The following ECI2 variants were observed in gnomAD, a reference collection of about 807,000 sequenced individuals.
ECI2 encodes the protein D3,D2-enoyl-CoA isomerase.
In ECI2, 27 loss-of-function variants were observed where a neutral mutation model predicts 38.4. The observed-to-expected ratio is 0.70, with a 90% CI of 0.52 to 0.97. The LOEUF (loss-of-function observed/expected upper bound fraction) is 0.97, where lower values mean the gene tolerates loss of function less well. Ranked by LOEUF, ECI2 falls within the 50% of genes least tolerant of loss-of-function variation. The pLI, the probability that ECI2 is intolerant of heterozygous loss-of-function variation, is 0.00. For missense variants in ECI2, 470 were observed against 474.4 expected (o/e 0.99, Z 0.09); for synonymous variants, 168 against 172.0 (o/e 0.98, Z 0.18).
intron 1 of ECI2, among the ~76,000 whole-genome samples, chr6:4,134,659 A>G (rs1773644455): frequency 6.6e-6 from 1 of 152,242 alleles, no homozygotes; most frequent in African/African-American, 2.4e-5. Context: ...TTGGACTATT[A>G]GTAACTGATT....
At chr6:4,132,744 C>T (rs1773556697) in intron 2 of ECI2, among the ~76,000 whole-genome samples, 1 of 151,936 alleles carries the variant, frequency 6.6e-6, no homozygotes, top group South Asian at 2.1e-4. Flanking sequence ...AACTGCCTTA[C>T]TTGCTTCATC....
chr6:4,131,013 T>C (rs1773481484), intron 2 of ECI2, 148 bp from the exon 3 acceptor site: 2 of 667,830 alleles, frequency 3.0e-6, no homozygotes, highest in Non-Finnish European at 2.4e-6. Context: ...TCCCCTCCAG[T>C]CTCTTTGATG....
intron 7 of ECI2, among the ~76,000 whole-genome samples, chr6:4,121,430 T>C (rs1772744451): frequency 6.6e-6 from 1 of 152,232 alleles, no homozygotes; most frequent in Non-Finnish European, 1.5e-5. Context: ...GTTTCTCTCA[T>C]ATGGTTTTAA....
intron 2 of ECI2, 112 bp from the exon 3 acceptor site, chr6:4,130,977 C>A: frequency 3.1e-6 from 3 of 970,842 alleles, no homozygotes; most frequent in Non-Finnish European, 4.6e-6. Flanking sequence ...AATCCTTTCA[C>A]AGGGTATGTA....
rs540452962 is a variant in ECI2 at position 4,121,905 on chromosome 6, A to G, written c.796-2630T>C. The G allele has an allele frequency of 1.8e-4, 204 of 1,128,854 alleles. 1 individual carries two copies. In the African/African-American group the frequency reaches 2.8e-3, roughly 15 times the overall value. 69.9% of individuals were successfully genotyped at this position (1,128,854 alleles called of 1,614,324 possible). Reference sequence around the variant, plus strand: ...CATAAAAATAATCACAATATTTTTAAAAGTTTCTGTTAATGTCATGTATCT... The same window carrying G: ...CATAAAAATAATCACAATATTTTTAGAAGTTTCTGTTAATGTCATGTATCT... On this transcript the variant is annotated intron_variant, in intron 7 of 9. Coordinates refer to ENST00000380118, the MANE Select transcript of ECI2 (RefSeq NM_206836.3).
intron 7 of ECI2, among the ~76,000 whole-genome samples, chr6:4,119,861 C>A (rs142425333): frequency 6.6e-6 from 1 of 151,596 alleles, no homozygotes; most frequent in Non-Finnish European, 1.5e-5. Flanking sequence ...TCCCTCCCAC[C>A]CCCAAGCAAC....
intron 7 of ECI2, 44 bp from the exon 8 acceptor site, chr6:4,119,319 A>AT (rs34320283): frequency 0.025 from 29,324 of 1,168,192 alleles, 1 homozygote; most frequent in Non-Finnish European, 0.028. Context: ...TTCATGTGTG[A>AT]TTTTTTTTTT....
In ECI2 at chr6:4,119,351, C is replaced by T. The variant is rs373494608; in HGVS notation, c.796-76G>A. On this transcript the variant is annotated intron_variant, in intron 7 of 9. Coordinates refer to ENST00000380118, the MANE Select transcript of ECI2 (RefSeq NM_206836.3). ...TTTTTTTTTTTGAGACAAAGGGTTT[C>T]GCTCTTTTGCCCAGGCTGCAGTGAA... 2.6e-4 allele frequency: 305 copies of T among 1,182,692 alleles called. No homozygotes were observed. The African/African-American group carries it at 4.3e-3, about 17-fold the overall frequency. The allele number at this position is 1,182,692 out of a possible 1,614,324, so 73.3% of individuals were successfully genotyped here.
intron 7 of ECI2, among the ~76,000 whole-genome samples, chr6:4,120,987 C>T (rs559997383): frequency 4.6e-5 from 7 of 152,324 alleles, no homozygotes; most frequent in African/African-American, 1.4e-4. Context: ...AGTGGTATGG[C>T]TGGTCTGTGT....
At chr6:4,119,645 G>A (rs1285944855) in intron 7 of ECI2, among the ~76,000 whole-genome samples, 2 of 152,062 alleles carry the variant, frequency 1.3e-5, no homozygotes, top group African/African-American at 2.4e-5. Context: ...TAAAAATCAC[G>A]ATTTGCTTAT....
rs768495752 is a variant in ECI2, at chr6:4,119,182, T to C, written c.885+4A>G. The C allele has an allele frequency of 6.2e-7, 1 of 1,608,622 alleles. No individual in the cohort carries two copies. Among genetic ancestry groups the C allele is most frequent in the Non-Finnish European group, 8.5e-7 (1 of 1,177,948 alleles). ...ATTTTATATTTAAACATTCCAAAAG[T>C]TACCTTGGCTGGGCTCATTATCTTC... On this transcript the variant is annotated splice_donor_region_variant and intron_variant, in intron 8 of 9. Transcript: ENST00000380118.
At chr6:4,119,157 A>C (rs746717671) in intron 8 of ECI2, 29 bp downstream of exon 8, 29 of 1,564,336 alleles carry the variant, frequency 1.9e-5, no homozygotes, top group Non-Finnish European at 2.5e-5. Flanking sequence ...GACTCATAAA[A>C]TTTTATATTT....
chr6:4,125,656 C>T (rs947399776), intron 6 of ECI2: 27 of 467,492 alleles, frequency 5.8e-5, no homozygotes, highest in South Asian at 4.8e-4. Flanking sequence ...GTAAACCAGC[C>T]GCAGTCTTAG....
intron 7 of ECI2, 109 bp from the exon 8 acceptor site, chr6:4,119,384 G>A (rs1001888046): frequency 9.1e-6 from 7 of 766,290 alleles, no homozygotes; most frequent in African/African-American, 1.8e-5. Flanking sequence ...GAAGTGGCGC[G>A]ATCTCGGCTC....
chr6:4,125,042 A>C, intron 7 of ECI2: 1 of 784,046 alleles, frequency 1.3e-6, no homozygotes, highest in Non-Finnish European at 2.1e-6. Flanking sequence ...TCAGAGTTGG[A>C]ACAATGTTCA....
intron 3 of ECI2, 31 bp from the exon 4 acceptor site, chr6:4,130,591 C>T (rs773536145): frequency 1.9e-6 from 3 of 1,614,072 alleles, no homozygotes; most frequent in Admixed American, 1.7e-5. Context: ...AACCTCAGCC[C>T]ATGGTCAATG....
chr6:4,132,623 G>C (rs1180199492), intron 2 of ECI2, among the ~76,000 whole-genome samples: 1 of 152,152 alleles, frequency 6.6e-6, no homozygotes. Flanking sequence ...CTTTGGCATT[G>C]AAACTTAAGA....
chr6:4,133,166 A>T (rs1478906537), intron 2 of ECI2, among the ~76,000 whole-genome samples: 1 of 152,184 alleles, frequency 6.6e-6, no homozygotes, highest in Non-Finnish European at 1.5e-5. Flanking sequence ...ACATTTTCTT[A>T]TATAACCTTG....
At position 4,130,797 on chromosome 6, in the gene ECI2, G is replaced by T. The variant is rs200673444; in HGVS notation, c.282C>A (p.Asp94Glu). ...GCAGGCTGCCAAGGGCATTCCATGC[G>T]TCCCATTTGGCCTTGTTGATCAAGT... ...VFDLINKAKW[D>E]AWNALGSLPK... Residue 94 changes from aspartate (D) to glutamate (E), a missense_variant, in exon 3 of 10, where the codon GAC becomes GAA. Transcript: ENST00000380118. 2 of 1,614,062 alleles carry T rather than the reference G, an allele frequency of 1.2e-6. No homozygotes were observed. Among genetic ancestry groups the T allele is most frequent in the African/African-American group, 1.3e-5 (1 of 74,930 alleles).
Sources: allele counts gnomAD v4.1 joint callset (sites outside exome capture counted in the v4.1 genomes callset), GRCh38; gene constraint gnomAD v4.1.1; transcripts MANE v1.5; gene names NCBI Gene and HGNC (gene_info 2026-07-23, HGNC 2026-07-21).